KIAA1755: variants seen among roughly 807,000 people sequenced by gnomAD.
KIAA1755 encodes uncharacterized protein KIAA1755.
Under a neutral mutation model 91.7 loss-of-function variants are expected in KIAA1755, and 68 were observed. That is an observed-to-expected ratio of 0.74 (90% CI 0.61 to 0.91). The LOEUF (loss-of-function observed/expected upper bound fraction) is 0.91, where lower values mean the gene tolerates loss of function less well. Ranked by LOEUF, KIAA1755 falls within the 40% of genes least tolerant of loss-of-function variation. The pLI, the probability that KIAA1755 is intolerant of heterozygous loss-of-function variation, is 0.00. For synonymous variants in KIAA1755, 610 were observed against 604.6 expected, an observed-to-expected ratio of 1.01 and a Z score of -0.13; for missense variants, 1,535 against 1,494.4, an observed-to-expected ratio of 1.03 and a Z score of -0.45.
intron 13 of KIAA1755, among the ~76,000 whole-genome samples, chr20:38,216,565 C>T (rs997818250): frequency 1.3e-5 from 2 of 152,230 alleles, no homozygotes; most frequent in Non-Finnish European, 2.9e-5. Flanking sequence ...CACACTCTCC[C>T]AGGCTGCTCC....
chr20:38,218,129 T>C (rs1035242630), intron 12 of KIAA1755, 115 bp downstream of exon 12: 67 of 1,382,862 alleles, frequency 4.8e-5, no homozygotes, highest in Non-Finnish European at 6.5e-5. Flanking sequence ...TCCCTCACTG[T>C]CTCTGGAACT....
chr20:38,245,806 C>G (rs1327773114), intron 2 of KIAA1755, 123 bp downstream of exon 2: 1 of 851,544 alleles, frequency 1.2e-6, no homozygotes, highest in African/African-American at 1.7e-5. Flanking sequence ...TGGAAAGTCC[C>G]CCCACACCCT....
intron 1 of KIAA1755, among the ~76,000 whole-genome samples, chr20:38,250,836 G>A (rs934034694): frequency 2.0e-5 from 3 of 151,972 alleles, no homozygotes; most frequent in African/African-American, 7.3e-5. Context: ...GGGATATGTG[G>A]GGGCGGCCAT....
At chr20:38,231,081 C>A in intron 5 of KIAA1755, 121 bp downstream of exon 5, 3 of 1,108,480 alleles carry the variant, frequency 2.7e-6, no homozygotes, top group Non-Finnish European at 3.8e-6. Context: ...TGGGGACTGG[C>A]TCTGTGAACA....
chr20:38,239,490 C>A (rs2076014848), intron 4 of KIAA1755, 38 bp downstream of exon 4: 1 of 1,603,322 alleles, frequency 6.2e-7, no homozygotes, highest in African/African-American at 1.3e-5. Flanking sequence ...GGGCCCCCAG[C>A]TCCCTCCCTA....
Position 38,240,920 on chromosome 20 carries a change from A to G in KIAA1755, c.1211T>C (p.Leu404Pro). 1 of 1,614,058 alleles carries G rather than the reference A, an allele frequency of 6.2e-7. No homozygotes were observed. Among genetic ancestry groups the G allele is most frequent in the Non-Finnish European group, 8.5e-7 (1 of 1,179,960 alleles). The change falls in exon 3 of 14, where the codon CTA (leucine) becomes CCA (proline). Residue 404 changes from leucine (L) to proline (P), a missense_variant. Transcript: ENST00000279024. The part of the protein sequence containing the change: ...EPAASKMQGP[L>P]GNPENMVQLR... ...CTGCACCATATTCTCTGGGTTTCCT[A>G]GAGGTCCCTGCATCTTGGAGGCAGC...
At chr20:38,225,840 G>T (rs1041571330) in intron 7 of KIAA1755, 59 bp from the exon 8 acceptor site, 108 of 1,031,282 alleles carry the variant, frequency 1.0e-4, no homozygotes, top group South Asian at 2.3e-4. Flanking sequence ...CATTTTAGAA[G>T]GTCCTGCCCA....
intron 1 of KIAA1755, among the ~76,000 whole-genome samples, chr20:38,256,152 G>A (rs1018223465): frequency 2.0e-5 from 3 of 152,162 alleles, no homozygotes; most frequent in African/African-American, 7.2e-5. Context: ...CAGCTGTCCT[G>A]TCTCTTTCCC....
Position 38,213,422 on chromosome 20 carries a change from C to A in KIAA1755, c.3223G>T (p.Ala1075Ser). The change falls in exon 14 of 14, where the codon GCC becomes TCC. Residue 1075 changes from alanine to serine, a missense_variant. Transcript: ENST00000279024. ...TCTACACTCACACCCTGGCCCTTGGCTGCCACCCCTCTTCGTTCTGGGCGC... is the reference window on the plus strand; with the variant it reads ...TCTACACTCACACCCTGGCCCTTGGATGCCACCCCTCTTCGTTCTGGGCGC... The part of the protein sequence containing the change: ...SARPERRGVA[A>S]KGQGVSVEVT... 6.2e-7 allele frequency: 1 copy of A among 1,600,210 alleles called. No homozygotes were observed. Among genetic ancestry groups the A allele is most frequent in the Non-Finnish European group, 8.5e-7 (1 of 1,173,048 alleles).
At position 38,260,553 on chromosome 20, in the gene KIAA1755, C is replaced by G. The variant is rs2076431566; in HGVS notation, c.-53G>C. Reference sequence around the variant, plus strand: ...GCGGCTCCTCTCCTGGGCGCGGGGTCTGTGGGTCCGCGGGTCCGTCTGTCT... The same window carrying G: ...GCGGCTCCTCTCCTGGGCGCGGGGTGTGTGGGTCCGCGGGTCCGTCTGTCT... On this transcript the variant is annotated 5_prime_UTR_variant, in exon 1 of 14. Coordinates refer to ENST00000279024, the MANE Select transcript of KIAA1755 (RefSeq NM_001029864.2). 6.8e-7 allele frequency: 1 copy of G among 1,481,478 alleles called. No homozygotes were observed. Among genetic ancestry groups the G allele is most frequent in the Admixed American group, 2.5e-5 (1 of 39,562 alleles). 91.8% of individuals were successfully genotyped at this position (1,481,478 alleles called of 1,614,324 possible).
At chr20:38,217,116 C>T (rs957972819) in intron 13 of KIAA1755, 137 bp downstream of exon 13, 2 of 710,932 alleles carry the variant, frequency 2.8e-6, no homozygotes, top group Non-Finnish European at 4.8e-6. Context: ...TGGGGGGGGG[C>T]TGTGTCTAGG....
chr20:38,252,337 C>A (rs1042871303), intron 1 of KIAA1755, among the ~76,000 whole-genome samples: 1 of 152,182 alleles, frequency 6.6e-6, no homozygotes. Context: ...TCCCTGTGTC[C>A]ACTACTGTCA....
rs200592469 is a variant in KIAA1755 at position 38,213,087 on chromosome 20, T to A, written c.3558A>T (p.Thr1186=). 1 of 1,580,710 alleles carries A rather than the reference T, an allele frequency of 6.3e-7. No homozygotes were observed. The highest frequency in any genetic ancestry group is 8.6e-7 in the Non-Finnish European group (1 of 1,161,482). Residue 1186 remains threonine, a synonymous_variant, in exon 14 of 14, where the codon ACA becomes ACT. Coordinates refer to ENST00000279024, the MANE Select transcript of KIAA1755 (RefSeq NM_001029864.2). ...TTGTCTGGGGTGAGTCCTCAAGGGA[T>A]GTCTGTGAGTCTGTCCCCTCTGAGG... ...SFSSEGTDSQ[T]SLEDSPQTSP...
chr20:38,231,926 T>C (rs1159596571), intron 4 of KIAA1755, among the ~76,000 whole-genome samples: 1 of 152,204 alleles, frequency 6.6e-6, no homozygotes, highest in Non-Finnish European at 1.5e-5. Context: ...CAACCCTGGG[T>C]TTCCGACAGG....
At chr20:38,246,265 A>G (rs879332669) in intron 1 of KIAA1755, 139 bp from the exon 2 acceptor site, 27 of 686,040 alleles carry the variant, frequency 3.9e-5, no homozygotes, top group East Asian at 3.0e-4. Flanking sequence ...CCCCTCACTC[A>G]TCACTGCCAG....
chr20:38,212,667 C>T lies in KIAA1755; in HGVS notation c.*375G>A, dbSNP rs561612128. The stretch of plus-strand genomic sequence containing the variant: ...TAAGGGCAACACTGGCCCTCGTACC[C>T]GAGGGGAGAGCTGTGTATGTTCCTG... On this transcript the variant is annotated 3_prime_UTR_variant, in exon 14 of 14. Transcript: ENST00000279024. 10 of 178,998 alleles carry T rather than the reference C, an allele frequency of 5.6e-5. No individual in the cohort carries two copies. In the East Asian group the frequency reaches 1.0e-3, roughly 18 times the overall value. The allele number at this position is 178,998 out of a possible 1,614,324, so 11.1% of individuals were successfully genotyped here. A position where few individuals can be genotyped will look rare whatever the true frequency, so the allele number is the denominator to read the frequency against.
intron 5 of KIAA1755, among the ~76,000 whole-genome samples, chr20:38,228,558 C>G (rs1301816078): frequency 2.6e-5 from 4 of 152,138 alleles, no homozygotes; most frequent in Non-Finnish European, 5.9e-5. Flanking sequence ...TTTGTGTAGG[C>G]AGAATCCTTA....
chr20:38,248,620 C>A (rs767323934), intron 1 of KIAA1755, among the ~76,000 whole-genome samples: 1 of 152,014 alleles, frequency 6.6e-6, no homozygotes. Context: ...AATTTTATGG[C>A]AGAAGAAACA....
chr20:38,218,950 G>C (rs1001246868), intron 11 of KIAA1755, among the ~76,000 whole-genome samples: 2 of 152,152 alleles, frequency 1.3e-5, no homozygotes, highest in Admixed American at 1.3e-4. Context: ...CCGAGTGGAA[G>C]TTCCTTTCTT....
Sources: allele counts gnomAD v4.1 joint callset (sites outside exome capture counted in the v4.1 genomes callset), GRCh38; gene constraint gnomAD v4.1.1; transcripts MANE v1.5; gene names NCBI Gene and HGNC (gene_info 2026-07-23, HGNC 2026-07-21).